ASIP: variants seen among roughly 807,000 people sequenced by gnomAD.
ASIP encodes agouti signaling protein.
ASIP carries 11 observed loss-of-function variants against 10.3 expected under a neutral mutation model. The observed-to-expected ratio is 1.07, with a 90% confidence interval of 0.68 to 1.78. The LOEUF (loss-of-function observed/expected upper bound fraction) is 1.78, where lower values mean the gene tolerates loss of function less well. ASIP is among the 40% of genes most tolerant of loss of function. The pLI is 0.00. For synonymous variants in ASIP, 70 were observed against 70.8 expected, an observed-to-expected ratio of 0.99 and a Z score of 0.06; for missense variants, 180 against 169.2, an observed-to-expected ratio of 1.06 and a Z score of -0.35.
chr20:34,221,364 C>G (rs1568750955), intron 1 of ASIP, among the ~76,000 whole-genome samples: 1 of 150,618 alleles, frequency 6.6e-6, no homozygotes, highest in Non-Finnish European at 1.5e-5. Flanking sequence ...GGCGACAGAG[C>G]GAGACTCTGT....
chr20:34,197,088 T>A (rs926287898), intron 1 of ASIP, among the ~76,000 whole-genome samples: 14 of 151,852 alleles, frequency 9.2e-5, no homozygotes, highest in Non-Finnish European at 1.6e-4. Context: ...GAAATAGCCA[T>A]AGCAGGTCGG....
At chr20:34,189,129 G>A in the ASIP span, among the ~76,000 whole-genome samples, 1 of 152,208 alleles carries the variant, frequency 6.6e-6, no homozygotes, top group Admixed American at 6.5e-5. Flanking sequence ...TTTTTCAGAT[G>A]AGAAAACTGA....
chr20:34,257,749 G>A (rs1194534026), intron 1 of ASIP, among the ~76,000 whole-genome samples: 3 of 152,128 alleles, frequency 2.0e-5, no homozygotes, highest in Non-Finnish European at 4.4e-5. Flanking sequence ...GTCTCATTAG[G>A]ACCCAGTCCT....
intron 1 of ASIP, among the ~76,000 whole-genome samples, chr20:34,204,019 C>T (rs957088464): frequency 6.6e-5 from 10 of 152,146 alleles, no homozygotes; most frequent in Non-Finnish European, 1.3e-4. Context: ...CCACCACGCC[C>T]GGCCATAAAT....
At position 34,236,012 on chromosome 20, in the gene ASIP, AAGAGAG is replaced by A. The variant is rs138295630; in HGVS notation, c.-10-24347_-10-24342del. Among the ~76,000 whole-genome samples the A allele has an allele frequency of 8.8e-5, 10 of 113,710 alleles. 1 individual carries two copies. The highest frequency in any genetic ancestry group is 7.9e-3 in the Middle Eastern group (2 of 254). 74.6% of individuals were successfully genotyped at this position (113,710 alleles called of 152,430 possible). ...AGAAGGAAGGAAGGAGAAAGAGAGAAAGAGAGAGAGAAGAAGAAAGAGAAAGAAACA... is the reference window on the plus strand; with the variant it reads ...AGAAGGAAGGAAGGAGAAAGAGAGAAAGAGAAGAAGAAAGAGAAAGAAACA... On this transcript the variant is annotated intron_variant, in intron 1 of 3. Coordinates refer to the ASIP transcript ENST00000568305.
chr20:34,195,384 C>A (rs573529443), intron 1 of ASIP, among the ~76,000 whole-genome samples: 1 of 152,288 alleles, frequency 6.6e-6, no homozygotes, highest in African/African-American at 2.4e-5. Flanking sequence ...GGCCAAGTGG[C>A]TCTGTGAAAA....
chr20:34,264,295 A>G (rs1046254677), intron 3 of ASIP, among the ~76,000 whole-genome samples: 3 of 152,214 alleles, frequency 2.0e-5, no homozygotes, highest in Non-Finnish European at 4.4e-5. Flanking sequence ...ATAATTGTGA[A>G]GATACCTCCT....
intron 1 of ASIP, among the ~76,000 whole-genome samples, chr20:34,255,970 C>G (rs992028805): frequency 4.3e-4 from 65 of 152,226 alleles, no homozygotes; most frequent in Admixed American, 3.2e-3. Flanking sequence ...CAGGCCCACC[C>G]GCAGCCTCCA....
intron 1 of ASIP, chr20:34,215,845 G>T: frequency 1.5e-6 from 2 of 1,330,274 alleles, no homozygotes; most frequent in South Asian, 2.3e-5. Context: ...TTAGTCTAAA[G>T]TCTGAATCAG....
At chr20:34,230,947 C>G (rs1312723417) in intron 1 of ASIP, among the ~76,000 whole-genome samples, 1 of 6,734 alleles carries the variant, frequency 1.5e-4, no homozygotes, top group Non-Finnish European at 2.0e-4. Context: ...GGTCTCCTCA[C>G]TTCTCAGACG....
intron 1 of ASIP, among the ~76,000 whole-genome samples, chr20:34,218,662 A>G (rs558101928): frequency 6.6e-6 from 1 of 152,128 alleles, no homozygotes; most frequent in South Asian, 2.1e-4. Context: ...AGCAAGGGAA[A>G]AGGAGCATGT....
intron 1 of ASIP, chr20:34,215,859 T>G (rs2035004709): frequency 1.6e-6 from 2 of 1,258,382 alleles, no homozygotes; most frequent in Non-Finnish European, 2.3e-6. Flanking sequence ...GAATCAGCAT[T>G]TGGATTTAGC....
intron 1 of ASIP, chr20:34,246,207 G>T: frequency 7.0e-7 from 1 of 1,436,624 alleles, no homozygotes; most frequent in Non-Finnish European, 9.5e-7. Flanking sequence ...GTAAGCTTTT[G>T]TGGTATGGTC....
At chr20:34,216,003 T>C in intron 1 of ASIP, 1 of 708,172 alleles carries the variant, frequency 1.4e-6, no homozygotes, top group Admixed American at 1.8e-5. Context: ...CAGCCTGAAC[T>C]CCATGGTCAG....
intron 1 of ASIP, among the ~76,000 whole-genome samples, chr20:34,245,207 G>A (rs1188390619): frequency 6.0e-5 from 9 of 150,888 alleles, no homozygotes; most frequent in Admixed American, 4.0e-4. Context: ...GGTGGCAGGC[G>A]CCTGTAATCC....
At chr20:34,201,597 A>G (rs1294262756) in intron 1 of ASIP, among the ~76,000 whole-genome samples, 1 of 152,242 alleles carries the variant, frequency 6.6e-6, no homozygotes, top group African/African-American at 2.4e-5. Flanking sequence ...AGAGACAAGA[A>G]TTGGTCTCCA....
chr20:34,213,772 C>T (rs1281239010), intron 1 of ASIP: 1 of 1,507,460 alleles, frequency 6.6e-7, no homozygotes, highest in Non-Finnish European at 9.2e-7. Flanking sequence ...TCTGAGAATA[C>T]CCTTTTGTAA....
At chr20:34,245,188 G>A (rs188079457) in intron 1 of ASIP, among the ~76,000 whole-genome samples, 49 of 151,514 alleles carry the variant, frequency 3.2e-4, no homozygotes, top group Non-Finnish European at 5.3e-4. Context: ...ACAAAAATTA[G>A]CTGGGCGTGG....
intron 1 of ASIP, chr20:34,246,418 C>T: frequency 7.4e-7 from 1 of 1,358,776 alleles, no homozygotes; most frequent in South Asian, 1.2e-5. Flanking sequence ...ATTCACAGTA[C>T]TCTGTTGGTA....
Sources: allele counts gnomAD v4.1 joint callset (sites outside exome capture counted in the v4.1 genomes callset), GRCh38; gene constraint gnomAD v4.1.1; transcripts MANE v1.5; gene names NCBI Gene and HGNC (gene_info 2026-07-23, HGNC 2026-07-21).